The following FRRS1 variants were observed in gnomAD, a reference collection of about 807,000 sequenced individuals.
FRRS1 encodes ferric chelate reductase 1, also known as ferric reductase 1.
FRRS1 carries 51 observed loss-of-function variants against 70.7 expected under a neutral mutation model. The observed-to-expected ratio is 0.72, with a 90% CI of 0.58 to 0.91. FRRS1 has a LOEUF of 0.91. FRRS1 is among the 40% of genes least tolerant of loss of function. FRRS1 has a pLI of 0.00. For missense variants in FRRS1, 672 were observed against 726.0 expected (o/e 0.93, Z 0.86); for synonymous variants, 225 against 238.7 (o/e 0.94, Z 0.53).
Position 99,748,660 on chromosome 1 carries a change from GA to G in FRRS1, c.108del (p.Pro37LeufsTer17). 6.2e-7 allele frequency: 1 copy of G among 1,613,774 alleles called. No homozygotes were observed. On this transcript the variant is annotated frameshift_variant, in exon 3 of 17. Transcript: ENST00000646001. LOFTEE classifies it high-confidence loss of function. ...GACTGTGGACTATGACCATGTTCAGGAATCATTCCATGGCATGACTGTGTTA... is the reference window on the plus strand; with the variant it reads ...GACTGTGGACTATGACCATGTTCAGGATCATTCCATGGCATGACTGTGTTA... ...GKVTQSCHGM[I>X]PEHGHSPQSV...
chr1:99,721,598 CT>C lies in FRRS1; in HGVS notation c.1007-1952del, dbSNP rs1177894215. ...GGAGAGTAATAACAATAGAAAAATT[CT>C]TTTTTTTTTTTTTTCTTGAGATGGA... On this transcript the variant is annotated intron_variant, in intron 9 of 16. Coordinates refer to ENST00000646001, the MANE Select transcript of FRRS1 (RefSeq NM_001361041.2). Among the ~76,000 whole-genome samples the C allele has an allele frequency of 2.9e-3, 414 of 140,374 alleles. 1 individual carries two copies. Among genetic ancestry groups the C allele is most frequent in the South Asian group, 0.017 (73 of 4,382 alleles). The allele number at this position is 140,374 out of a possible 152,430, so 92.1% of individuals were successfully genotyped here. A position where few individuals can be genotyped will look rare whatever the true frequency, so the allele number is the denominator to read the frequency against.
At chr1:99,722,333 C>T (rs1466839939) in intron 9 of FRRS1, among the ~76,000 whole-genome samples, 2 of 152,128 alleles carry the variant, frequency 1.3e-5, no homozygotes, top group Non-Finnish European at 2.9e-5. Flanking sequence ...TTTATTTAAA[C>T]TCTTCTAGAG....
intron 11 of FRRS1, 33 bp from the exon 12 acceptor site, chr1:99,715,705 T>A (rs1357203750): frequency 6.8e-7 from 1 of 1,478,684 alleles, no homozygotes; most frequent in South Asian, 1.1e-5. Context: ...AAGAAGACAC[T>A]TATCCATGTA....
intron 9 of FRRS1, among the ~76,000 whole-genome samples, chr1:99,726,425 T>G (rs1021210236): frequency 6.6e-6 from 1 of 152,224 alleles, no homozygotes; most frequent in African/African-American, 2.4e-5. Flanking sequence ...GATACAACTT[T>G]TGTAATTGGA....
rs1377569385 is a variant in FRRS1, at chr1:99,704,966, A to T, written c.*4062T>A. Among the ~76,000 whole-genome samples the T allele has an allele frequency of 6.6e-6, 1 of 152,176 alleles. No homozygotes were observed. Among genetic ancestry groups the T allele is most frequent in the Non-Finnish European group, 1.5e-5 (1 of 68,028 alleles). On this transcript the variant is annotated 3_prime_UTR_variant, in exon 17 of 17. Coordinates refer to ENST00000646001, the MANE Select transcript of FRRS1 (RefSeq NM_001361041.2). ...GTTCTTCAAGCCCAGGTGTGATCCG[A>T]TTCTCCTGGTACACCAAGGCAAGAA...
At chr1:99,742,326 G>T in intron 4 of FRRS1, 53 bp from the exon 5 acceptor site, 2 of 1,062,906 alleles carry the variant, frequency 1.9e-6, no homozygotes, top group Non-Finnish European at 1.5e-6. Context: ...GCTCAGCATG[G>T]CTGGAACTTC....
At chr1:99,734,172 G>A (rs1240645242) in intron 7 of FRRS1, among the ~76,000 whole-genome samples, 1 of 152,172 alleles carries the variant, frequency 6.6e-6, no homozygotes, top group East Asian at 1.9e-4. Context: ...AATGCCCTGA[G>A]TAATAACTGA....
intron 3 of FRRS1, chr1:99,747,967 A>G (rs908541518): frequency 6.5e-6 from 1 of 152,702 alleles, no homozygotes; most frequent in Admixed American, 6.5e-5. Flanking sequence ...TTATTGAATT[A>G]CAAAAAAAGA....
intron 6 of FRRS1, 99 bp downstream of exon 6, chr1:99,740,694 C>T (rs1442458791): frequency 6.1e-6 from 5 of 813,092 alleles, no homozygotes; most frequent in Non-Finnish European, 1.0e-5. Context: ...CACTTTGTGA[C>T]TCCAAGGCAG....
chr1:99,717,334 C>A, intron 11 of FRRS1, 76 bp downstream of exon 11: 2 of 960,718 alleles, frequency 2.1e-6, no homozygotes, highest in South Asian at 1.3e-5. Flanking sequence ...TACACATACA[C>A]ACATACTTCA....
At chr1:99,732,307 C>T (rs1179739555) in intron 7 of FRRS1, among the ~76,000 whole-genome samples, 1 of 152,140 alleles carries the variant, frequency 6.6e-6, no homozygotes, top group African/African-American at 2.4e-5. Context: ...TGTACTGAAG[C>T]TCTCTCCCCA....
intron 1 of FRRS1, among the ~76,000 whole-genome samples, chr1:99,750,427 G>A (rs1235679098): frequency 6.6e-6 from 1 of 152,198 alleles, no homozygotes; most frequent in Non-Finnish European, 1.5e-5. Flanking sequence ...AGGTATGATG[G>A]AGATGTTGGA....
intron 4 of FRRS1, 21 bp from the exon 5 acceptor site, chr1:99,742,294 G>C: frequency 6.8e-7 from 1 of 1,463,696 alleles, no homozygotes; most frequent in East Asian, 2.3e-5. Flanking sequence ...AGGGAAAAGA[G>C]CTACCATTCA....
rs148470241 is a variant in FRRS1, at chr1:99,712,484, A to G, written c.1355T>C (p.Ile452Thr). 1.2e-5 allele frequency: 19 copies of G among 1,612,450 alleles called. No homozygotes were observed. Among genetic ancestry groups the G allele is most frequent in the Non-Finnish European group, 1.4e-5 (16 of 1,179,422 alleles). ...HAGYHPYLGC[I>T]VMTLAVLQPL... ...CTGAAGAACTGCCAAAGTCATCACT[A>G]TACAGCCGAGGTATGGGTGGTAACC... Residue 452 changes from isoleucine (I) to threonine (T), a missense_variant, in exon 13 of 17, where the codon ATA (isoleucine) becomes ACA (threonine). Physicochemically the swap from Ile to Thr is moderately conservative, Grantham distance 89. Coordinates refer to ENST00000646001, the MANE Select transcript of FRRS1 (RefSeq NM_001361041.2).
chr1:99,721,795 C>T (rs947177081), intron 9 of FRRS1, among the ~76,000 whole-genome samples: 1 of 151,670 alleles, frequency 6.6e-6, no homozygotes, highest in South Asian at 2.1e-4. Context: ...GACGGGGTTT[C>T]GCCATCTTGG....
chr1:99,763,798 G>A (rs1215007926), intron 1 of FRRS1, among the ~76,000 whole-genome samples: 1 of 151,018 alleles, frequency 6.6e-6, no homozygotes, highest in African/African-American at 2.4e-5. Context: ...AACCCTGGAG[G>A]CAGAGGTTGA....
intron 1 of FRRS1, among the ~76,000 whole-genome samples, chr1:99,757,285 T>G (rs2100998680): frequency 6.6e-6 from 1 of 152,270 alleles, no homozygotes; most frequent in Middle Eastern, 3.4e-3. Flanking sequence ...GATCTACCAA[T>G]GGATCTTAAC....
At chr1:99,721,083 T>C (rs1654796712) in intron 9 of FRRS1, among the ~76,000 whole-genome samples, 1 of 152,118 alleles carries the variant, frequency 6.6e-6, no homozygotes, top group African/African-American at 2.4e-5. Flanking sequence ...ATCAAAATGT[T>C]AGAAATTTAA....
intron 9 of FRRS1, among the ~76,000 whole-genome samples, chr1:99,724,025 A>G (rs1163149534): frequency 6.6e-6 from 1 of 152,228 alleles, no homozygotes; most frequent in East Asian, 1.9e-4. Context: ...AAAATCTTGC[A>G]TTCATTGAGT....
Sources: allele counts gnomAD v4.1 joint callset (sites outside exome capture counted in the v4.1 genomes callset), GRCh38; gene constraint gnomAD v4.1.1; transcripts MANE v1.5; gene names NCBI Gene and HGNC (gene_info 2026-07-23, HGNC 2026-07-21).